The following EIF5 variants were observed in gnomAD, a reference collection of about 807,000 sequenced individuals.
EIF5 encodes the protein eukaryotic translation initiation factor 5.
EIF5 carries 10 observed loss-of-function variants against 48.3 expected under a neutral mutation model. That is an observed-to-expected ratio of 0.21 (90% CI 0.13 to 0.35). The LOEUF is 0.35. Ranked by LOEUF, EIF5 falls within the 10% of genes least tolerant of loss-of-function variation. The pLI is 1.00. For missense variants in EIF5, 397 were observed against 533.2 expected, an observed-to-expected ratio of 0.74 and a Z score of 2.51; for synonymous variants, 237 against 173.1, an observed-to-expected ratio of 1.37 and a Z score of -2.90.
chr14:103,343,438 A>T lies in EIF5; in HGVS notation c.*2386A>T, dbSNP rs1248800767. The T allele has an allele frequency of 1.3e-5, 2 of 151,744 alleles. No homozygotes were observed. The highest frequency in any genetic ancestry group is 2.4e-5 in the African/African-American group (1 of 41,226). The allele number at this position is 151,744 out of a possible 1,614,324, so 9.4% of individuals were successfully genotyped here. Reference sequence around the variant, plus strand: ...CTTAATAGGGAACATACATACAGCTATGTAACTGTGAATAATTGTATATAT... The same window carrying T: ...CTTAATAGGGAACATACATACAGCTTTGTAACTGTGAATAATTGTATATAT... On this transcript the variant is annotated 3_prime_UTR_variant, in exon 12 of 12. Coordinates refer to ENST00000216554, the MANE Select transcript of EIF5 (RefSeq NM_001969.5).
chr14:103,338,975 A>G (rs2089321553), intron 8 of EIF5, 82 bp downstream of exon 8: 12 of 1,538,160 alleles, frequency 7.8e-6, no homozygotes, highest in Non-Finnish European at 1.0e-5. Flanking sequence ...TAGCAGTGTA[A>G]TTAGGATTAC....
intron 6 of EIF5, 118 bp from the exon 7 acceptor site, chr14:103,338,209 G>A: frequency 7.3e-7 from 1 of 1,375,216 alleles, no homozygotes; most frequent in Non-Finnish European, 1.0e-6. Flanking sequence ...TGTGTGTGCT[G>A]TGTGGTTTTT....
At position 103,340,996 on chromosome 14, in the gene EIF5, G is replaced by A. The variant is rs780347028; in HGVS notation, c.1240G>A (p.Val414Ile). Residue 414 changes from valine to isoleucine, a missense_variant, in exon 12 of 12, where the codon GTT (valine) becomes ATT (isoleucine). Around this residue, in one of 4 missense-constraint regions of EIF5, gnomAD observed 160 missense variants for 184.8 expected, o/e 0.87. Transcript: ENST00000216554. ...VYSKAASVPK[V>I]ETVKSDNKDD... is the part of the protein sequence containing the mutation. ...TTCGAAGGCTGCCAGTGTACCGAAA[G>A]TTGAGACTGTAAAGTCAGACAACAA... 6 of 1,614,074 alleles carry A rather than the reference G, an allele frequency of 3.7e-6. No homozygotes were observed. In the African/African-American group the frequency reaches 4.0e-5, roughly 11 times the overall value.
At chr14:103,339,115 C>A in intron 8 of EIF5, 57 bp from the exon 9 acceptor site, 1 of 1,558,952 alleles carries the variant, frequency 6.4e-7, no homozygotes, top group South Asian at 1.2e-5. Context: ...TGGCTGGTGT[C>A]TTGAGCCTGG....
chr14:103,336,644 G>T, intron 4 of EIF5, 33 bp from the exon 5 acceptor site: 1 of 1,572,124 alleles, frequency 6.4e-7, no homozygotes, highest in Non-Finnish European at 8.6e-7. Context: ...CTAGTTAACT[G>T]TAACGATCCA....
At position 103,338,380 on chromosome 14, in the gene EIF5, G is replaced by A. The variant is rs769814716; in HGVS notation, c.493G>A (p.Gly165Ser). The A allele has an allele frequency of 2.5e-6, 4 of 1,613,740 alleles. No homozygotes were observed. Among genetic ancestry groups the A allele is most frequent in the South Asian group, 2.2e-5 (2 of 91,044 alleles). Reference sequence around the variant, plus strand: ...AGAAAAAGAAAAGAAAAACAGAAAGGGCAAAGACAAGGAAAATGGCTCCGT... The same window carrying A: ...AGAAAAAGAAAAGAAAAACAGAAAGAGCAAAGACAAGGAAAATGGCTCCGT... ...KKEKEKKNRKGKDKENGSVSS... is the reference protein window; with the variant it reads ...KKEKEKKNRKSKDKENGSVSS... The change falls in exon 7 of 12, where the codon GGC becomes AGC. Residue 165 changes from glycine (G) to serine (S), a missense_variant. Gly to Ser is a moderately conservative substitution (Grantham distance 56, BLOSUM62 0). Around this residue, in one of 4 missense-constraint regions of EIF5, gnomAD observed 126 missense variants for 141.9 expected, o/e 0.89. Coordinates refer to ENST00000216554, the MANE Select transcript of EIF5 (RefSeq NM_001969.5).
rs1225610374 is a variant in EIF5, at chr14:103,339,125, G to A, written c.745-47G>A. 2.6e-6 allele frequency: 4 copies of A among 1,566,750 alleles called. No individual in the cohort carries two copies. In the South Asian group the frequency reaches 3.6e-5, roughly 14 times the overall value. On this transcript the variant is annotated intron_variant, in intron 8 of 11. Transcript: ENST00000216554. ...GGGACTGGCTGGTGTCTTGAGCCTG[G>A]CAAAGTGTGCCTCCATTGCACTGAA...
Position 103,342,635 on chromosome 14 carries a change from G to C in EIF5, c.*1583G>C, listed in dbSNP as rs374849955. On this transcript the variant is annotated 3_prime_UTR_variant, in exon 12 of 12. Coordinates refer to ENST00000216554, the MANE Select transcript of EIF5 (RefSeq NM_001969.5). ...CATTTGATGTAATAAAACTTGGTTG[G>C]CTTGATATTTTAAGGAATTGAAACC... 2.6e-5 allele frequency: 4 copies of C among 152,684 alleles called. No individual in the cohort carries two copies. The highest frequency in any genetic ancestry group is 3.4e-3 in the Middle Eastern group (1 of 294). The allele number at this position is 152,684 out of a possible 1,614,324, so 9.5% of individuals were successfully genotyped here.
chr14:103,344,122 A>G lies in EIF5; in HGVS notation c.*3070A>G, dbSNP rs2089385468. The G allele has an allele frequency of 1.3e-5, 2 of 152,230 alleles. No homozygotes were observed. Among genetic ancestry groups the G allele is most frequent in the Non-Finnish European group, 2.9e-5 (2 of 68,056 alleles). 9.4% of individuals were successfully genotyped at this position (152,230 alleles called of 1,614,324 possible). A position where few individuals can be genotyped will look rare whatever the true frequency, so the allele number is the denominator to read the frequency against. On this transcript the variant is annotated 3_prime_UTR_variant, in exon 12 of 12. Coordinates refer to ENST00000216554, the MANE Select transcript of EIF5 (RefSeq NM_001969.5). ...GTCCCCAGTACAGATCTTGATTCAT[A>G]GTGACATTCCATAAGTGGGGTGACA...
At chr14:103,338,107 C>T (rs1173220586) in intron 6 of EIF5, 10 of 685,606 alleles carry the variant, frequency 1.5e-5, no homozygotes, top group African/African-American at 1.8e-5. Flanking sequence ...GTTACAATAC[C>T]CCTAATATTT....
At position 103,342,839 on chromosome 14, in the gene EIF5, C is replaced by T. The variant is rs2089369740; in HGVS notation, c.*1787C>T. 6.6e-6 allele frequency: 1 copy of T among 152,570 alleles called. No individual in the cohort carries two copies. Among genetic ancestry groups the T allele is most frequent in the African/African-American group, 2.4e-5 (1 of 41,434 alleles). The allele number at this position is 152,570 out of a possible 1,614,324, so 9.5% of individuals were successfully genotyped here. A position where few individuals can be genotyped will look rare whatever the true frequency, so the allele number is the denominator to read the frequency against. ...TCAAATTCTTTGCCGCAAGGCTGAT[C>T]TGCTTTCATTAACTGGAATTCTGTA... On this transcript the variant is annotated 3_prime_UTR_variant, in exon 12 of 12. Transcript: ENST00000216554.
At chr14:103,334,688 T>C (rs1243616886) in intron 2 of EIF5, 91 bp downstream of exon 2, 9 of 139,286 alleles carry the variant, frequency 6.5e-5, no homozygotes, top group South Asian at 2.6e-4. Context: ...TGGCGCAGTT[T>C]GGGCGGACGG....
At chr14:103,339,848 G>A in intron 10 of EIF5, 45 bp downstream of exon 10, 2 of 1,578,478 alleles carry the variant, frequency 1.3e-6, no homozygotes, top group Non-Finnish European at 8.6e-7. Flanking sequence ...AGGTTTTGGG[G>A]GGTTTTTTTG....
In EIF5 at chr14:103,339,166, T is replaced by C. The variant is rs752524814; in HGVS notation, c.745-6T>C. 5.6e-6 allele frequency: 9 copies of C among 1,600,404 alleles called. No individual in the cohort carries two copies. In the South Asian group the frequency reaches 1.0e-4, roughly 18 times the overall value. On this transcript the variant is annotated splice_region_variant and splice_polypyrimidine_tract_variant and intron_variant, in intron 8 of 11. Transcript: ENST00000216554. ...TTGCACTGAATTGTTTTCCTTTTCT[T>C]TGCAGAAAAAGAAAGAAGAGGGTGT...
chr14:103,340,748 A>G (rs1314303919), intron 11 of EIF5, among the ~76,000 whole-genome samples, 187 bp downstream of exon 11: 1 of 151,990 alleles, frequency 6.6e-6, no homozygotes, highest in Non-Finnish European at 1.5e-5. Flanking sequence ...CTGTGTTCCT[A>G]CTCCTACACA....
rs1244614102 is a variant in EIF5, at chr14:103,334,615, CG to C, written c.-209+21del. 1 of 151,300 alleles carries C rather than the reference CG, an allele frequency of 6.6e-6. No individual in the cohort carries two copies. The highest frequency in any genetic ancestry group is 1.5e-5 in the Non-Finnish European group (1 of 67,616). 9.4% of individuals were successfully genotyped at this position (151,300 alleles called of 1,614,324 possible). A position where few individuals can be genotyped will look rare whatever the true frequency, so the allele number is the denominator to read the frequency against. ...CGAAAACGGTGAGTCGCGGGCGCGGCGGGCCAGGAGATGGCGGCCGCACAAG... is the reference window on the plus strand; with the variant it reads ...CGAAAACGGTGAGTCGCGGGCGCGGCGGCCAGGAGATGGCGGCCGCACAAG... On this transcript the variant is annotated intron_variant, in intron 2 of 11. Coordinates refer to ENST00000216554, the MANE Select transcript of EIF5 (RefSeq NM_001969.5).
rs2089319680 is a variant in EIF5, at chr14:103,338,831, C to G, written c.682C>G (p.Leu228Val). The G allele has an allele frequency of 1.9e-6, 3 of 1,614,088 alleles. No individual in the cohort carries two copies. The highest frequency in any genetic ancestry group is 1.1e-5 in the South Asian group (1 of 91,090). Reference sequence around the variant, plus strand: ...CAGTGACCATGCAAAAGTTCTGACACTCAGTGATGATTTGGAAAGAACAAT... The same window carrying G: ...CAGTGACCATGCAAAAGTTCTGACAGTCAGTGATGATTTGGAAAGAACAAT... The part of the protein sequence containing the change: ...EISDHAKVLT[L>V]SDDLERTIEE... The change falls in exon 8 of 12, where the codon CTC becomes GTC. Residue 228 changes from leucine to valine, a missense_variant. Transcript: ENST00000216554.
At chr14:103,337,369 C>A in intron 6 of EIF5, 142 bp downstream of exon 6, 3 of 671,802 alleles carry the variant, frequency 4.5e-6, no homozygotes, top group Non-Finnish European at 7.4e-6. Context: ...TTTTGGGAGG[C>A]CAGGGCGGGC....
At chr14:103,335,599 C>T (rs1239141154) in intron 2 of EIF5, 54 bp from the exon 3 acceptor site, 3 of 525,454 alleles carry the variant, frequency 5.7e-6, no homozygotes, top group African/African-American at 3.8e-5. Context: ...TTCCATCCAG[C>T]GATGATGTTA....
Sources: allele counts gnomAD v4.1 joint callset (sites outside exome capture counted in the v4.1 genomes callset), GRCh38; gene constraint gnomAD v4.1.1; regional missense constraint gnomAD v4.1.1; transcripts MANE v1.5; gene names NCBI Gene and HGNC (gene_info 2026-07-23, HGNC 2026-07-21).